The following MMP26 variants were observed in gnomAD, a reference collection of about 807,000 sequenced individuals.
MMP26 encodes matrix metallopeptidase 26, also known as matrix metalloproteinase-26.
MMP26 carries 33 observed loss-of-function variants against 31.0 expected under a neutral mutation model. That is an observed-to-expected ratio of 1.06 (90% CI 0.81 to 1.42). The LOEUF is 1.42. MMP26 is among the 40% of genes most tolerant of loss of function. The probability of loss-of-function intolerance (pLI) is 0.00; values close to 1 mark genes in which losing one functional copy is unlikely to be tolerated. For missense variants in MMP26, 347 were observed against 316.1 expected (o/e 1.10, Z -0.74); for synonymous variants, 122 against 114.9 (o/e 1.06, Z -0.40).
chr11:4,962,697 C>T (rs185073191), intron 2 of MMP26, among the ~76,000 whole-genome samples: 6 of 152,158 alleles, frequency 3.9e-5, no homozygotes, highest in East Asian at 3.9e-4. Flanking sequence ...GGTTGATTTC[C>T]GAAAGTTGGC....
chr11:4,749,284 G>T (rs1848418718), intron 1 of MMP26, among the ~76,000 whole-genome samples: 1 of 151,892 alleles, frequency 6.6e-6, no homozygotes. Context: ...AAAAAATGTA[G>T]ATGATACAAA....
At chr11:4,874,759 A>C (rs1467232963) in intron 2 of MMP26, among the ~76,000 whole-genome samples, 1 of 152,112 alleles carries the variant, frequency 6.6e-6, no homozygotes, top group Admixed American at 6.6e-5. Flanking sequence ...AATGTTCTTA[A>C]GATGACACCA....
chr11:4,883,325 A>T (rs567321362), intron 2 of MMP26, among the ~76,000 whole-genome samples: 31 of 152,300 alleles, frequency 2.0e-4, no homozygotes, highest in Non-Finnish European at 1.3e-4. Context: ...ATATGTGCAC[A>T]AAGGCACACA....
chr11:4,943,612 C>T (rs1846249312), intron 2 of MMP26: 2 of 383,590 alleles, frequency 5.2e-6, no homozygotes, highest in Admixed American at 3.0e-5. Flanking sequence ...CAGTGACACA[C>T]CCACACCCCC....
chr11:4,751,479 A>C (rs772705846), intron 1 of MMP26, among the ~76,000 whole-genome samples: 8 of 152,178 alleles, frequency 5.3e-5, no homozygotes, highest in Non-Finnish European at 1.0e-4. Context: ...GTGGATGTTA[A>C]AGTTGAAGTG....
intron 2 of MMP26, among the ~76,000 whole-genome samples, chr11:4,839,229 T>G (rs1849761694): frequency 6.6e-6 from 1 of 152,052 alleles, no homozygotes; most frequent in African/African-American, 2.4e-5. Flanking sequence ...CAAAGTGATC[T>G]GGGTCTTTAA....
At chr11:4,945,053 A>T (rs183538333) in intron 2 of MMP26, 22 of 152,282 alleles carry the variant, frequency 1.4e-4, no homozygotes, top group African/African-American at 5.3e-4. Context: ...ATTCAAGAAG[A>T]AGAAAGAAAT....
At position 4,721,216 on chromosome 11, in the gene MMP26, G is replaced by A. The variant is rs897404207; in HGVS notation, c.-217+16171G>A. ...CACAATGGAGTAAGGTGCTTGTAAC[G>A]CAAGCTCAATATGGTCATGATAGGG... is the stretch of plus-strand genomic sequence containing the variant. On this transcript the variant is annotated intron_variant, in intron 1 of 7. Transcript: ENST00000380390. Among the ~76,000 whole-genome samples, 8 of 152,126 alleles carry A rather than the reference G, an allele frequency of 5.3e-5. 1 individual carries two copies. The highest frequency in any genetic ancestry group is 4.2e-4 in the South Asian group (2 of 4,806).
intron 2 of MMP26, among the ~76,000 whole-genome samples, chr11:4,863,418 A>G (rs1303683066): frequency 6.6e-6 from 1 of 151,928 alleles, no homozygotes; most frequent in African/African-American, 2.4e-5. Flanking sequence ...ACTCCTAATA[A>G]CAAAACCTGC....
At chr11:4,709,895 CACATTCATGGAG>C (rs776792643) in intron 1 of MMP26, 5 of 456,870 alleles carry the variant, frequency 1.1e-5, no homozygotes, top group African/African-American at 1.0e-4. Flanking sequence ...TCCATGGCTT[CACATTCATGGAG>C]TCCTCAGTAC....
rs186028786 is a variant in MMP26, at chr11:4,835,783, A to G, written c.-145+68442A>G. ...CTATAAAATGAGGTGGAGCTGGGGG[A>G]AGATTAAAGAAACTTCCAGCTATAA... On this transcript the variant is annotated intron_variant, in intron 2 of 7. Transcript: ENST00000380390. Among the ~76,000 whole-genome samples the G allele has an allele frequency of 3.0e-3, 454 of 152,310 alleles. 1 individual carries two copies. Among genetic ancestry groups the G allele is most frequent in the African/African-American group, 0.01 (428 of 41,574 alleles).
intron 2 of MMP26, chr11:4,859,627 T>G (rs1850112007): frequency 2.3e-6 from 1 of 441,980 alleles, no homozygotes; most frequent in Non-Finnish European, 4.7e-6. Context: ...CTATTTTTTT[T>G]GCCTCTGGAA....
intron 2 of MMP26, among the ~76,000 whole-genome samples, chr11:4,864,352 C>T (rs1479334804): frequency 6.6e-6 from 1 of 152,130 alleles, no homozygotes; most frequent in Non-Finnish European, 1.5e-5. Flanking sequence ...GTGGTCAGGC[C>T]TTAAACTGTT....
intron 1 of MMP26, among the ~76,000 whole-genome samples, chr11:4,747,492 A>T (rs10836570): frequency 0.079 from 12,078 of 152,310 alleles, 653 homozygotes; most frequent in Middle Eastern, 0.23. Context: ...GGTTACCTCT[A>T]TAGAGAAGTC....
chr11:4,874,958 G>A (rs920799920), intron 2 of MMP26, among the ~76,000 whole-genome samples: 58 of 152,086 alleles, frequency 3.8e-4, no homozygotes, highest in African/African-American at 1.2e-3. Flanking sequence ...ACATAGAAGC[G>A]TGGAAGGAAA....
chr11:4,938,133 C>T (rs369810011), intron 2 of MMP26: 5 of 152,100 alleles, frequency 3.3e-5, no homozygotes, highest in Admixed American at 2.6e-4. Flanking sequence ...GGAGGCTTTG[C>T]TCTGTCTTGA....
Position 4,915,776 on chromosome 11 carries a change from T to C in MMP26, c.-144-72292T>C, listed in dbSNP as rs1327988120. On this transcript the variant is annotated intron_variant, in intron 2 of 7. Transcript: ENST00000380390. Reference sequence around the variant, plus strand: ...TAAAGAAAAAAAATAGAATCAAATATACCTAGAACTGTGCAGCTCTTTCTA... The same window carrying C: ...TAAAGAAAAAAAATAGAATCAAATACACCTAGAACTGTGCAGCTCTTTCTA... The C allele has an allele frequency of 1.1e-5, 7 of 642,298 alleles. No individual in the cohort carries two copies. In the East Asian group the frequency reaches 1.6e-4, roughly 15 times the overall value. The allele number at this position is 642,298 out of a possible 1,614,324, so 39.8% of individuals were successfully genotyped here. A position where few individuals can be genotyped will look rare whatever the true frequency, so the allele number is the denominator to read the frequency against.
intron 2 of MMP26, among the ~76,000 whole-genome samples, chr11:4,816,696 TC>T (rs1233689375): frequency 5.0e-5 from 7 of 139,916 alleles, no homozygotes; most frequent in Non-Finnish European, 1.1e-4. Context: ...ATGGGTGCCT[TC>T]TTTTTTTTTT....
intron 2 of MMP26, chr11:4,924,162 G>C: frequency 6.2e-7 from 1 of 1,614,194 alleles, no homozygotes; most frequent in Non-Finnish European, 8.5e-7. Flanking sequence ...TAGTACATGG[G>C]TCCATGGAGA....
Sources: gnomAD v4.1 joint callset for allele counts (sites outside exome capture counted in the v4.1 genomes callset) on GRCh38, gnomAD v4.1.1 for gene constraint, MANE v1.5 for transcripts, NCBI Gene and HGNC (gene_info 2026-07-23, HGNC 2026-07-21) for gene names.